PPM1E: variants seen among roughly 807,000 people sequenced by gnomAD.
PPM1E encodes the protein protein phosphatase 1E.
PPM1E carries 20 observed loss-of-function variants against 65.9 expected under a neutral mutation model. The ratio of observed to expected loss-of-function variants is 0.30; its 90% CI spans 0.21 to 0.44. The LOEUF (loss-of-function observed/expected upper bound fraction) is 0.44. PPM1E is among the 20% of genes least tolerant of loss of function. The probability of loss-of-function intolerance (pLI) is 1.00; values close to 1 mark genes in which losing one functional copy is unlikely to be tolerated. For synonymous variants in PPM1E, 352 were observed against 374.9 expected, an observed-to-expected ratio of 0.94 and a Z score of 0.70; for missense variants, 713 against 953.1, an observed-to-expected ratio of 0.75 and a Z score of 3.32.
intron 1 of PPM1E, among the ~76,000 whole-genome samples, chr17:58,932,920 G>A (rs1483023848): frequency 3.9e-5 from 6 of 152,098 alleles, no homozygotes; most frequent in South Asian, 2.1e-4. Context: ...CTATATAGAT[G>A]TACCGTTTTT....
At chr17:58,776,212 A>C (rs141597103) in intron 1 of PPM1E, among the ~76,000 whole-genome samples, 81 of 151,974 alleles carry the variant, frequency 5.3e-4, no homozygotes, top group African/African-American at 1.8e-3. Context: ...CTGTAGTCCC[A>C]GCTACTTAGG....
chr17:58,778,643 C>CA (rs923179408), intron 1 of PPM1E, among the ~76,000 whole-genome samples: 1 of 151,618 alleles, frequency 6.6e-6, no homozygotes, highest in African/African-American at 2.4e-5. Context: ...CTCCTGGGCT[C>CA]AAGCAATCTG....
chr17:58,853,838 G>T (rs2050854015), intron 1 of PPM1E, among the ~76,000 whole-genome samples: 1 of 151,918 alleles, frequency 6.6e-6, no homozygotes, highest in African/African-American at 2.4e-5. Context: ...CCCAAAAAAA[G>T]AAAAGAAAGT....
At chr17:58,813,156 G>T (rs1486315559) in intron 1 of PPM1E, among the ~76,000 whole-genome samples, 1 of 152,040 alleles carries the variant, frequency 6.6e-6, no homozygotes, top group African/African-American at 2.4e-5. Context: ...GAAAACCCAG[G>T]ATCTTTTATG....
intron 1 of PPM1E, among the ~76,000 whole-genome samples, chr17:58,838,325 A>G (rs1327365261): frequency 3.3e-5 from 5 of 152,222 alleles, no homozygotes; most frequent in Non-Finnish European, 5.9e-5. Flanking sequence ...AACACTTACA[A>G]TTCAACAATA....
chr17:58,907,805 ACTT>A lies in PPM1E; in HGVS notation c.465-47841_465-47839del, dbSNP rs549244714. Among the ~76,000 whole-genome samples the A allele has an allele frequency of 2.8e-3, 424 of 152,146 alleles. 2 individuals carry two copies. Among genetic ancestry groups the A allele is most frequent in the African/African-American group, 9.9e-3 (409 of 41,490 alleles). ...CTACTCTGTCTGAAATTAAGTATCT[ACTT>A]CTGCTTTCTTTTGATTAGTGTTATC... is the stretch of plus-strand genomic sequence containing the variant. On this transcript the variant is annotated intron_variant, in intron 1 of 6. Coordinates refer to ENST00000308249, the MANE Select transcript of PPM1E (RefSeq NM_014906.5).
chr17:58,943,407 A>G (rs1219801696), intron 1 of PPM1E, among the ~76,000 whole-genome samples: 1 of 152,202 alleles, frequency 6.6e-6, no homozygotes, highest in Non-Finnish European at 1.5e-5. Flanking sequence ...GGTTCTTTCT[A>G]CCTACGCATG....
chr17:58,928,143 G>A lies in PPM1E; in HGVS notation c.465-27506G>A, dbSNP rs143467310. ...GCTACACGAGAGGCTGAGGCAGGAG[G>A]ATCACTTGAGCCTACAAGGTTGAGA... On this transcript the variant is annotated intron_variant, in intron 1 of 6. Transcript: ENST00000308249. 5.4e-4 allele frequency among the ~76,000 whole-genome samples: 82 copies of A among 152,004 alleles called. 1 individual carries two copies. The highest frequency in any genetic ancestry group is 9.1e-4 in the Non-Finnish European group (62 of 67,964).
intron 1 of PPM1E, among the ~76,000 whole-genome samples, chr17:58,873,926 T>A (rs2051101405): frequency 6.6e-6 from 1 of 151,962 alleles, no homozygotes; most frequent in Admixed American, 6.6e-5. Context: ...GCATGATTTT[T>A]ACACTACTAT....
At chr17:58,924,536 G>A (rs2051798978) in intron 1 of PPM1E, among the ~76,000 whole-genome samples, 1 of 152,070 alleles carries the variant, frequency 6.6e-6, no homozygotes, top group Admixed American at 6.6e-5. Context: ...GGGCAACAGA[G>A]TTTAGTCCAA....
chr17:58,825,756 G>A (rs1336468298), intron 1 of PPM1E, among the ~76,000 whole-genome samples: 2 of 151,578 alleles, frequency 1.3e-5, no homozygotes, highest in Admixed American at 6.6e-5. Context: ...TTTAAGTAGA[G>A]ACTTGGTTTC....
chr17:58,830,897 C>G (rs1365165117), intron 1 of PPM1E, among the ~76,000 whole-genome samples: 1 of 151,792 alleles, frequency 6.6e-6, no homozygotes, highest in Non-Finnish European at 1.5e-5. Flanking sequence ...GTTGGCCAGG[C>G]TGGTCTCAAA....
chr17:58,893,293 T>G (rs1040669171), intron 1 of PPM1E, among the ~76,000 whole-genome samples: 1 of 152,154 alleles, frequency 6.6e-6, no homozygotes, highest in Non-Finnish European at 1.5e-5. Context: ...AAATGAGTCA[T>G]CGAGCCATGA....
chr17:58,980,721 A>G lies in PPM1E; in HGVS notation c.1958A>G (p.Glu653Gly). The G allele has an allele frequency of 6.2e-7, 1 of 1,614,236 alleles. No individual in the cohort carries two copies. The change falls in exon 7 of 7, where the codon GAA becomes GGA. Residue 653 changes from glutamate to glycine, a missense_variant. Around this residue, in one of 6 missense-constraint regions of PPM1E, gnomAD observed 286 missense variants for 313.8 expected, o/e 0.91. Coordinates refer to ENST00000308249, the MANE Select transcript of PPM1E (RefSeq NM_014906.5). This position sits in a 1 kb window ranked among gnomAD's most constrained non-coding sequence, Gnocchi z 4.7. ...QSLSPVCSGL[E>G]NEQFKSPGNR... The stretch of plus-strand genomic sequence containing the variant: ...TTGTCTCCTGTCTGTTCAGGGTTGG[A>G]AAATGAACAGTTCAAATCCCCGGGA...
At chr17:58,811,078 G>A (rs1416033729) in intron 1 of PPM1E, among the ~76,000 whole-genome samples, 33 of 152,008 alleles carry the variant, frequency 2.2e-4, no homozygotes, top group Admixed American at 2.0e-3. Flanking sequence ...GGCTGGTCTC[G>A]AATTCCTGAC....
chr17:58,859,510 T>C (rs967042707), intron 1 of PPM1E, among the ~76,000 whole-genome samples: 1 of 152,230 alleles, frequency 6.6e-6, no homozygotes, highest in Non-Finnish European at 1.5e-5. Context: ...CTAGGAAGGC[T>C]TATTACTAGA....
chr17:58,838,652 A>G (rs111683587), intron 1 of PPM1E, among the ~76,000 whole-genome samples: 2,299 of 152,346 alleles, frequency 0.015, 53 homozygotes, highest in African/African-American at 0.052. Flanking sequence ...TGATCTAGCA[A>G]TTAATCGCAT....
chr17:58,845,978 G>A (rs2050767500), intron 1 of PPM1E, among the ~76,000 whole-genome samples: 2 of 152,170 alleles, frequency 1.3e-5, no homozygotes, highest in African/African-American at 4.8e-5. Context: ...ACCGTGCCCA[G>A]CCAAAATTTA....
chr17:58,858,349 T>C (rs1411380861), intron 1 of PPM1E, among the ~76,000 whole-genome samples: 3 of 152,158 alleles, frequency 2.0e-5, no homozygotes, highest in Non-Finnish European at 2.9e-5. Flanking sequence ...TATTTGAAAC[T>C]ATATGTTATT....
Sources: gnomAD v4.1 joint callset for allele counts (sites outside exome capture counted in the v4.1 genomes callset) on GRCh38, gnomAD v4.1.1 for gene constraint, gnomAD v4.1.1 regional missense constraint, Gnocchi (gnomAD v3.1) non-coding constraint, MANE v1.5 for transcripts, NCBI Gene and HGNC (gene_info 2026-07-23, HGNC 2026-07-21) for gene names.